The following ARL8B variants were observed in gnomAD, a reference collection of about 807,000 sequenced individuals.
ARL8B encodes the protein ARF like GTPase 8B.
In ARL8B, 9 loss-of-function variants were observed where a neutral mutation model predicts 30.6. The ratio of observed to expected loss-of-function variants is 0.29; its 90% CI spans 0.18 to 0.51. The LOEUF (loss-of-function observed/expected upper bound fraction) is 0.51, where lower values mean the gene tolerates loss of function less well. ARL8B is among the 20% of genes least tolerant of loss of function. ARL8B has a pLI of 0.97. For synonymous variants in ARL8B, 74 were observed against 76.0 expected (o/e 0.97, Z 0.14); for missense variants, 130 against 227.2 (o/e 0.57, Z 2.75).
rs1469963403 is a variant in ARL8B at position 5,122,359 on chromosome 3, G to C, written c.-107G>C. 6.4e-7 allele frequency: 1 copy of C among 1,563,424 alleles called. No individual in the cohort carries two copies. The highest frequency in any genetic ancestry group is 2.4e-5 in the East Asian group (1 of 41,788). Reference sequence around the variant, plus strand: ...CCGGTGTCCGCCCGTGTCGCGCCGGGGCACCAAGGAGCCGTTGGAGGGTCC... The same window carrying C: ...CCGGTGTCCGCCCGTGTCGCGCCGGCGCACCAAGGAGCCGTTGGAGGGTCC... On this transcript the variant is annotated 5_prime_UTR_variant, in exon 1 of 7. Transcript: ENST00000256496.
chr3:5,139,630 A>G (rs1467728973), intron 1 of ARL8B, among the ~76,000 whole-genome samples: 1 of 152,202 alleles, frequency 6.6e-6, no homozygotes, highest in East Asian at 1.9e-4. Flanking sequence ...ATGGCCACTG[A>G]TGGATACTGC....
chr3:5,147,438 C>T (rs1412415255), intron 1 of ARL8B, among the ~76,000 whole-genome samples: 3 of 152,086 alleles, frequency 2.0e-5, no homozygotes, highest in Admixed American at 2.0e-4. Flanking sequence ...CAAGTCTTTG[C>T]TATTGGGGTC....
At chr3:5,146,966 C>T (rs2054423774) in intron 1 of ARL8B, among the ~76,000 whole-genome samples, 1 of 152,090 alleles carries the variant, frequency 6.6e-6, no homozygotes, top group African/African-American at 2.4e-5. Flanking sequence ...TCAGAAGGAA[C>T]CTCTGACCCC....
chr3:5,160,576 G>GTAT (rs2054572170), intron 1 of ARL8B, among the ~76,000 whole-genome samples: 1 of 152,168 alleles, frequency 6.6e-6, no homozygotes, highest in Non-Finnish European at 1.5e-5. Context: ...AGCTCCCTTT[G>GTAT]TATTAACAGG....
intron 1 of ARL8B, among the ~76,000 whole-genome samples, chr3:5,165,622 C>T (rs2106568440): frequency 6.6e-6 from 1 of 152,164 alleles, no homozygotes; most frequent in East Asian, 1.9e-4. Flanking sequence ...ATTCTGTCTT[C>T]ACAAAGTGGC....
chr3:5,155,086 A>G (rs1193253784), intron 1 of ARL8B, among the ~76,000 whole-genome samples: 1 of 152,108 alleles, frequency 6.6e-6, no homozygotes, highest in African/African-American at 2.4e-5. Flanking sequence ...ATTTTATCTT[A>G]CAGGTCAGGT....
intron 1 of ARL8B, among the ~76,000 whole-genome samples, chr3:5,151,784 T>A (rs963553028): frequency 3.6e-5 from 5 of 139,576 alleles, no homozygotes; most frequent in South Asian, 2.3e-4. Context: ...TGGTGTGTGA[T>A]CACGGCTGGC....
chr3:5,172,348 T>C, intron 3 of ARL8B, 125 bp downstream of exon 3: 1 of 831,220 alleles, frequency 1.2e-6, no homozygotes, highest in South Asian at 1.7e-5. Flanking sequence ...TTAGCTAATA[T>C]CCTAGTGTAA....
intron 1 of ARL8B, among the ~76,000 whole-genome samples, chr3:5,168,664 C>T (rs2054644152): frequency 6.6e-6 from 1 of 152,130 alleles, no homozygotes; most frequent in South Asian, 2.1e-4. Context: ...TAGGGAGGGC[C>T]CTTGAGTGTT....
At chr3:5,132,637 C>G (rs1378297500) in intron 1 of ARL8B, among the ~76,000 whole-genome samples, 1 of 152,146 alleles carries the variant, frequency 6.6e-6, no homozygotes, top group Non-Finnish European at 1.5e-5. Context: ...TTTTACAATG[C>G]TGTACCCCAT....
rs531749451 is a variant in ARL8B at position 5,143,235 on chromosome 3, C to T, written c.123+20647C>T. Among the ~76,000 whole-genome samples, 275 of 152,316 alleles carry T rather than the reference C, an allele frequency of 1.8e-3. 2 individuals are homozygous for T. Among genetic ancestry groups the T allele is most frequent in the South Asian group, 6.6e-3 (32 of 4,832 alleles). On this transcript the variant is annotated intron_variant, in intron 1 of 6. Transcript: ENST00000256496. ...GTTGCCTGCAAGTTTCCATTTTGACCTTCTGCTCTTTGCGTAGTAGGCCAT... is the reference window on the plus strand; with the variant it reads ...GTTGCCTGCAAGTTTCCATTTTGACTTTCTGCTCTTTGCGTAGTAGGCCAT...
At chr3:5,148,433 GT>G (rs2054449055) in intron 1 of ARL8B, among the ~76,000 whole-genome samples, 1 of 152,144 alleles carries the variant, frequency 6.6e-6, no homozygotes. Context: ...GGAGCAGTTG[GT>G]TTGGCTCTCC....
At chr3:5,129,648 G>C (rs1367681330) in intron 1 of ARL8B, among the ~76,000 whole-genome samples, 1 of 152,048 alleles carries the variant, frequency 6.6e-6, no homozygotes, top group Non-Finnish European at 1.5e-5. Flanking sequence ...CCTGGCTCAA[G>C]AGATCCCCCC....
intron 2 of ARL8B, chr3:5,170,906 A>G (rs980782816): frequency 7.9e-5 from 16 of 203,704 alleles, no homozygotes; most frequent in African/African-American, 3.8e-4. Flanking sequence ...AATTTTTTGT[A>G]CTTTTAGTAG....
intron 1 of ARL8B, among the ~76,000 whole-genome samples, chr3:5,146,771 A>T (rs1374065824): frequency 6.6e-6 from 1 of 152,082 alleles, no homozygotes; most frequent in Non-Finnish European, 1.5e-5. Flanking sequence ...TCTAATTAAC[A>T]TTTTCTTGAA....
At position 5,145,041 on chromosome 3, in the gene ARL8B, A is replaced by C. The variant is rs560905360; in HGVS notation, c.123+22453A>C. On this transcript the variant is annotated intron_variant, in intron 1 of 6. Coordinates refer to ENST00000256496, the MANE Select transcript of ARL8B (RefSeq NM_018184.3). ...CCATTAGGTAATCTACCTTTCTCAC[A>C]TAAGGAGTGTTTATTTCCATCAGTG... Among the ~76,000 whole-genome samples, 8 of 152,274 alleles carry C rather than the reference A, an allele frequency of 5.3e-5. No individual in the cohort carries two copies. In the South Asian group the frequency reaches 1.7e-3, roughly 32 times the overall value.
intron 6 of ARL8B, among the ~76,000 whole-genome samples, chr3:5,176,766 G>A (rs1050580781): frequency 3.3e-5 from 5 of 152,064 alleles, no homozygotes; most frequent in African/African-American, 9.7e-5. Flanking sequence ...TCTATGTGGC[G>A]GGGAAAACTC....
intron 1 of ARL8B, among the ~76,000 whole-genome samples, chr3:5,169,305 TTGTG>T (rs10575722): frequency 0.064 from 9,193 of 142,858 alleles, 709 homozygotes; most frequent in African/African-American, 0.19. Context: ...AATACAGTGT[TTGTG>T]TGTGTGTGTG....
intron 1 of ARL8B, among the ~76,000 whole-genome samples, chr3:5,124,914 G>A (rs77604121): frequency 0.024 from 3,610 of 152,290 alleles, 134 homozygotes; most frequent in African/African-American, 0.082. Flanking sequence ...TGTTTCATGT[G>A]GATAGGTGTA....
Sources: allele counts gnomAD v4.1 joint callset (sites outside exome capture counted in the v4.1 genomes callset), GRCh38; gene constraint gnomAD v4.1.1; transcripts MANE v1.5; gene names NCBI Gene and HGNC (gene_info 2026-07-23, HGNC 2026-07-21).